SLC44A1: variants seen among roughly 807,000 people sequenced by gnomAD.
SLC44A1 encodes the protein solute carrier family 44 member 1.
Under a neutral mutation model 79.3 loss-of-function variants are expected in SLC44A1, and 26 were observed. The observed-to-expected ratio is 0.33, with a 90% CI of 0.24 to 0.46. The LOEUF is 0.46. SLC44A1 is among the 20% of genes least tolerant of loss of function. SLC44A1 has a pLI of 1.00. For synonymous variants in SLC44A1, 263 were observed against 286.2 expected, an observed-to-expected ratio of 0.92 and a Z score of 0.82; for missense variants, 688 against 798.1, an observed-to-expected ratio of 0.86 and a Z score of 1.66.
At chr9:105,334,190 A>G (rs953055130) in intron 3 of SLC44A1, among the ~76,000 whole-genome samples, 2 of 151,438 alleles carry the variant, frequency 1.3e-5, no homozygotes, top group African/African-American at 2.4e-5. Flanking sequence ...TTCTATCTGC[A>G]TAGATAGAAC....
At chr9:105,337,473 T>G (rs1826958633) in intron 4 of SLC44A1, among the ~76,000 whole-genome samples, 1 of 152,208 alleles carries the variant, frequency 6.6e-6, no homozygotes, top group East Asian at 1.9e-4. Context: ...TTATCATAAT[T>G]ATTATTATTC....
chr9:105,268,088 G>C (rs532674868), intron 1 of SLC44A1, among the ~76,000 whole-genome samples: 7 of 152,250 alleles, frequency 4.6e-5, no homozygotes, highest in African/African-American at 1.7e-4. Flanking sequence ...TTTGTTTTCT[G>C]TGTGGTACCT....
At chr9:105,248,433 A>G (rs1335284882) in intron 1 of SLC44A1, among the ~76,000 whole-genome samples, 1 of 152,234 alleles carries the variant, frequency 6.6e-6, no homozygotes, top group East Asian at 1.9e-4. Context: ...AAAGTGTCAC[A>G]TTCTATACTA....
intron 13 of SLC44A1, among the ~76,000 whole-genome samples, 171 bp from the exon 14 acceptor site, chr9:105,382,952 A>G (rs144807633): frequency 3.1e-4 from 47 of 152,376 alleles, no homozygotes; most frequent in African/African-American, 1.1e-3. Flanking sequence ...ATAAGCATGT[A>G]TAACTCTGGG....
intron 3 of SLC44A1, among the ~76,000 whole-genome samples, chr9:105,326,504 A>G (rs2131342268): frequency 6.6e-6 from 1 of 152,348 alleles, no homozygotes; most frequent in South Asian, 2.1e-4. Context: ...CAGGCATTGT[A>G]GCTAAAGAGG....
At chr9:105,285,553 C>T (rs1326080030) in intron 1 of SLC44A1, among the ~76,000 whole-genome samples, 1 of 152,142 alleles carries the variant, frequency 6.6e-6, no homozygotes, top group Non-Finnish European at 1.5e-5. Context: ...TGGGTGCAGG[C>T]GGGCTGAGTC....
At chr9:105,289,662 A>C (rs1830558124) in intron 1 of SLC44A1, among the ~76,000 whole-genome samples, 1 of 152,196 alleles carries the variant, frequency 6.6e-6, no homozygotes. Flanking sequence ...GTGAACTAAA[A>C]ACATCTTAAT....
At chr9:105,333,042 A>C (rs1826800226) in intron 3 of SLC44A1, among the ~76,000 whole-genome samples, 1 of 152,340 alleles carries the variant, frequency 6.6e-6, no homozygotes, top group South Asian at 2.1e-4. Context: ...TGGTCTGACT[A>C]AAGCAAGGGA....
At chr9:105,322,138 C>T (rs141225206) in intron 3 of SLC44A1, among the ~76,000 whole-genome samples, 58 of 152,134 alleles carry the variant, frequency 3.8e-4, no homozygotes, top group African/African-American at 1.3e-3. Flanking sequence ...GAGATGAGAC[C>T]AGAAATCTAG....
At chr9:105,436,990 A>G (rs2131530483) in intron 15 of SLC44A1, among the ~76,000 whole-genome samples, 1 of 152,174 alleles carries the variant, frequency 6.6e-6, no homozygotes, top group Non-Finnish European at 1.5e-5. Flanking sequence ...TCCAAGTCCA[A>G]GCTCTCCTGG....
chr9:105,268,481 A>G (rs1013697535), intron 1 of SLC44A1, among the ~76,000 whole-genome samples: 1 of 151,954 alleles, frequency 6.6e-6, no homozygotes, highest in East Asian at 1.9e-4. Flanking sequence ...AATCTCTTTC[A>G]TTGATCTGAG....
At chr9:105,423,238 C>T (rs1017884231) in intron 15 of SLC44A1, among the ~76,000 whole-genome samples, 1 of 152,002 alleles carries the variant, frequency 6.6e-6, no homozygotes, top group Non-Finnish European at 1.5e-5. Flanking sequence ...GTCGGGTGGG[C>T]GGATCACCTG....
chr9:105,421,582 C>CT (rs1056443918), intron 15 of SLC44A1, among the ~76,000 whole-genome samples: 9,898 of 130,122 alleles, frequency 0.076, 595 homozygotes, highest in Non-Finnish European at 0.12. Context: ...TCAGAAATCT[C>CT]TTTTTTTTTT....
At chr9:105,295,989 A>G (rs537318448) in intron 1 of SLC44A1, among the ~76,000 whole-genome samples, 1 of 152,348 alleles carries the variant, frequency 6.6e-6, no homozygotes, top group East Asian at 1.9e-4. Flanking sequence ...TGCCACCATT[A>G]AGTCAAAATT....
Position 105,385,519 on chromosome 9 carries a change from A to C in SLC44A1, c.1950+17A>C. Reference sequence around the variant, plus strand: ...AAGCCGATGGTAGGTGGAGATGAGGAGGTGGCCGCCCTCCAAGAATTTCAC... The same window carrying C: ...AAGCCGATGGTAGGTGGAGATGAGGCGGTGGCCGCCCTCCAAGAATTTCAC... On this transcript the variant is annotated intron_variant, in intron 15 of 15. Coordinates refer to ENST00000374720, the MANE Select transcript of SLC44A1 (RefSeq NM_080546.5). 1 of 1,561,702 alleles carries C rather than the reference A, an allele frequency of 6.4e-7. No individual in the cohort carries two copies. The highest frequency in any genetic ancestry group is 8.7e-7 in the Non-Finnish European group (1 of 1,152,068).
intron 5 of SLC44A1, among the ~76,000 whole-genome samples, chr9:105,351,679 A>AGAAAGAGAGAGAAAG: frequency 6.6e-6 from 1 of 151,382 alleles, no homozygotes; most frequent in Non-Finnish European, 1.5e-5. Flanking sequence ...AGAAAGAACC[A>AGAAAGAGAGAGAAAG]AGAAAAAAAT....
intron 4 of SLC44A1, among the ~76,000 whole-genome samples, chr9:105,337,983 TA>T (rs1826975577): frequency 6.6e-6 from 1 of 152,348 alleles, no homozygotes; most frequent in African/African-American, 2.4e-5. Flanking sequence ...CAAGATGTAT[TA>T]ATGAATAAAC....
chr9:105,298,009 G>C (rs1015049160), intron 1 of SLC44A1, among the ~76,000 whole-genome samples: 1 of 151,826 alleles, frequency 6.6e-6, no homozygotes, highest in African/African-American at 2.4e-5. Flanking sequence ...TGTGAGACTC[G>C]GGCATTTTTG....
chr9:105,323,613 G>A (rs895115306), intron 3 of SLC44A1, among the ~76,000 whole-genome samples: 2 of 152,194 alleles, frequency 1.3e-5, no homozygotes, highest in African/African-American at 4.8e-5. Context: ...TCTAAAACAA[G>A]CTTCAAAGTT....
Sources: gnomAD v4.1 joint callset for allele counts (sites outside exome capture counted in the v4.1 genomes callset) on GRCh38, gnomAD v4.1.1 for gene constraint, MANE v1.5 for transcripts, NCBI Gene and HGNC (gene_info 2026-07-23, HGNC 2026-07-21) for gene names.